The following CWF19L2 variants were observed in gnomAD, a reference collection of about 807,000 sequenced individuals.
CWF19L2 encodes the protein CWF19-like protein 2.
In CWF19L2, 98 loss-of-function variants were observed where a neutral mutation model predicts 111.7. That is an observed-to-expected ratio of 0.88 (90% confidence interval 0.75 to 1.04). The LOEUF is 1.04. CWF19L2 is among the 50% of genes least tolerant of loss of function. The pLI is 0.00. For missense variants in CWF19L2, 1,101 were observed against 1,051.4 expected, an observed-to-expected ratio of 1.05 and a Z score of -0.65; for synonymous variants, 351 against 342.9, an observed-to-expected ratio of 1.02 and a Z score of -0.26.
rs1861425330 is a variant in CWF19L2 at position 107,429,180 on chromosome 11, G to C, written c.1052C>G (p.Ser351Cys). ...AAACTCTTGATTTTGCCTTGGGTTA[G>C]ATTCTCTTCTACACGTTTCTAAAGA... ...PGSLETCRRE[S>C]NPRQNQEFSF... The change falls in exon 8 of 18, where the codon TCT (serine) becomes TGT (cysteine). Residue 351 changes from serine (S) to cysteine (C), a missense_variant. By Grantham distance (112) the Ser-to-Cys change is moderately radical (BLOSUM62 -1). Coordinates refer to ENST00000282251, the MANE Select transcript of CWF19L2 (RefSeq NM_152434.3). 2 of 1,613,610 alleles carry C rather than the reference G, an allele frequency of 1.2e-6. No homozygotes were observed. Among genetic ancestry groups the C allele is most frequent in the African/African-American group, 1.3e-5 (1 of 74,858 alleles).
intron 13 of CWF19L2, among the ~76,000 whole-genome samples, chr11:107,352,793 G>A (rs1860175400): frequency 6.6e-6 from 1 of 152,146 alleles, no homozygotes; most frequent in Non-Finnish European, 1.5e-5. Context: ...AGGGGTATGT[G>A]TATGTATACA....
chr11:107,438,116 G>T (rs180840293), intron 6 of CWF19L2, among the ~76,000 whole-genome samples: 1 of 152,042 alleles, frequency 6.6e-6, no homozygotes. Flanking sequence ...AAATACAGAA[G>T]AATTTTAACA....
At chr11:107,380,656 T>C (rs1565261276) in intron 12 of CWF19L2, among the ~76,000 whole-genome samples, 1 of 152,096 alleles carries the variant, frequency 6.6e-6, no homozygotes, top group Non-Finnish European at 1.5e-5. Flanking sequence ...CTGTGGGAAA[T>C]AGTTTGGTGG....
At chr11:107,388,454 G>C (rs1860802688) in intron 12 of CWF19L2, among the ~76,000 whole-genome samples, 2 of 151,888 alleles carry the variant, frequency 1.3e-5, no homozygotes, top group Admixed American at 1.3e-4. Context: ...ACGATCTCAG[G>C]TCACCACAAG....
intron 8 of CWF19L2, among the ~76,000 whole-genome samples, chr11:107,427,569 G>A (rs1043950924): frequency 3.3e-5 from 5 of 151,988 alleles, no homozygotes; most frequent in Admixed American, 6.6e-5. Context: ...CAGACATTTT[G>A]CTTAGCTACA....
intron 10 of CWF19L2, chr11:107,404,360 CTGT>C (rs1861049033): frequency 1.3e-6 from 1 of 790,312 alleles, no homozygotes; most frequent in South Asian, 1.3e-5. Context: ...GACCTTTCAG[CTGT>C]ACCTCATGTA....
chr11:107,453,473 A>G (rs1591214351), intron 3 of CWF19L2, among the ~76,000 whole-genome samples: 1 of 152,036 alleles, frequency 6.6e-6, no homozygotes, highest in Admixed American at 6.5e-5. Flanking sequence ...CATCTTGAAT[A>G]CCAGCTCAGC....
intron 4 of CWF19L2, among the ~76,000 whole-genome samples, chr11:107,441,960 T>C (rs957780945): frequency 6.6e-6 from 1 of 152,192 alleles, no homozygotes; most frequent in East Asian, 1.9e-4. Context: ...TGGCTAACAG[T>C]GGACAAATTA....
intron 12 of CWF19L2, among the ~76,000 whole-genome samples, chr11:107,363,216 C>G (rs149186859): frequency 0.046 from 6,962 of 152,004 alleles, 339 homozygotes; most frequent in East Asian, 0.21. Context: ...CTGAAAGTGA[C>G]AGGGAGAATG....
chr11:107,442,827 A>T, intron 4 of CWF19L2, 112 bp downstream of exon 4: 1 of 479,404 alleles, frequency 2.1e-6, no homozygotes, highest in Non-Finnish European at 3.7e-6. Flanking sequence ...AGGGGGAGGG[A>T]GGGAGAGAGG....
chr11:107,417,287 T>A (rs1251806561), intron 9 of CWF19L2, among the ~76,000 whole-genome samples: 1 of 152,230 alleles, frequency 6.6e-6, no homozygotes, highest in African/African-American at 2.4e-5. Flanking sequence ...TCTCACTGTA[T>A]ATTATTTTAA....
chr11:107,455,519 A>T, intron 2 of CWF19L2, 147 bp downstream of exon 2: 1 of 505,600 alleles, frequency 2.0e-6, no homozygotes, highest in South Asian at 3.3e-5. Context: ...TCTGCCAAAG[A>T]GATGAAACTA....
intron 12 of CWF19L2, among the ~76,000 whole-genome samples, chr11:107,388,275 G>A (rs528777094): frequency 5.3e-5 from 8 of 152,214 alleles, no homozygotes; most frequent in East Asian, 1.9e-4. Context: ...AAATATAAGC[G>A]CCTGAGGGCA....
chr11:107,384,410 T>G (rs904905164), intron 12 of CWF19L2, among the ~76,000 whole-genome samples: 2 of 152,218 alleles, frequency 1.3e-5, no homozygotes, highest in African/African-American at 4.8e-5. Flanking sequence ...ATACAACGTT[T>G]TAAATAGTAC....
At chr11:107,422,108 A>G (rs2135402547) in intron 8 of CWF19L2, among the ~76,000 whole-genome samples, 1 of 152,214 alleles carries the variant, frequency 6.6e-6, no homozygotes, top group East Asian at 1.9e-4. Context: ...AGACAGACCA[A>G]AAAGAGTGCA....
At chr11:107,416,149 A>G in intron 10 of CWF19L2, 60 bp downstream of exon 10, 2 of 427,548 alleles carry the variant, frequency 4.7e-6, no homozygotes, top group South Asian at 1.2e-4. Flanking sequence ...ATAAAATATT[A>G]CCACTGCCCG....
chr11:107,329,087 AG>A (rs938882137), intron 17 of CWF19L2, among the ~76,000 whole-genome samples: 4 of 152,150 alleles, frequency 2.6e-5, no homozygotes, highest in African/African-American at 4.8e-5. Flanking sequence ...GAGTTCACCA[AG>A]GCCCCTCTTT....
chr11:107,398,736 G>T (rs1186620549), intron 10 of CWF19L2, among the ~76,000 whole-genome samples: 1 of 152,136 alleles, frequency 6.6e-6, no homozygotes, highest in Non-Finnish European at 1.5e-5. Flanking sequence ...CTGTCATCAG[G>T]TTATCCCAAG....
At position 107,429,137 on chromosome 11, in the gene CWF19L2, T is replaced by C. The variant is rs1398114613; in HGVS notation, c.1095A>G (p.Arg365=). Residue 365 remains arginine, a synonymous_variant, in exon 8 of 18, where the codon AGA becomes AGG. Coordinates refer to ENST00000282251, the MANE Select transcript of CWF19L2 (RefSeq NM_152434.3). The part of the protein sequence containing the change: ...QNQEFSFGNL[R]AKFLRPSDDE... Reference sequence around the variant, plus strand: ...CATCAGAGGGTCTCAAGAATTTAGCTCTCAAATTGCCAAAAGAAAACTCTT... The same window carrying C: ...CATCAGAGGGTCTCAAGAATTTAGCCCTCAAATTGCCAAAAGAAAACTCTT... 6.2e-7 allele frequency: 1 copy of C among 1,613,700 alleles called. No individual in the cohort carries two copies. Among genetic ancestry groups the C allele is most frequent in the Non-Finnish European group, 8.5e-7 (1 of 1,179,796 alleles).
Sources: gnomAD v4.1 joint callset for allele counts (sites outside exome capture counted in the v4.1 genomes callset) on GRCh38, gnomAD v4.1.1 for gene constraint, MANE v1.5 for transcripts, NCBI Gene and HGNC (gene_info 2026-07-23, HGNC 2026-07-21) for gene names.